CACNA1H: variants seen among roughly 807,000 people sequenced by gnomAD.
The protein encoded by CACNA1H is voltage-dependent T-type calcium channel subunit alpha-1H.
In CACNA1H, 149 loss-of-function variants were observed where a neutral mutation model predicts 192.5. The ratio of observed to expected loss-of-function variants is 0.77; its 90% CI spans 0.68 to 0.89. CACNA1H has a LOEUF of 0.89. Ranked by LOEUF, CACNA1H falls within the 40% of genes least tolerant of loss-of-function variation. The pLI is 0.00. For synonymous variants in CACNA1H, 2,202 were observed against 1,475.2 expected (o/e 1.49, Z -11.29); for missense variants, 4,257 against 3,423.5 (o/e 1.24, Z -6.08).
At position 1,211,965 on chromosome 16, in the gene CACNA1H, C is replaced by G. The variant is rs1057522839; in HGVS notation, c.4586C>G (p.Pro1529Arg). 1.9e-6 allele frequency: 3 copies of G among 1,613,522 alleles called. No homozygotes were observed. The highest frequency in any genetic ancestry group is 2.5e-6 in the Non-Finnish European group (3 of 1,179,676). ...VDQQPVQNHN[P>R]WMLLYFISFL... ...CCACAGCCTGTGCAGAACCACAACCCCTGGATGCTGCTGTACTTCATCTCC... is the reference window on the plus strand; with the variant it reads ...CCACAGCCTGTGCAGAACCACAACCGCTGGATGCTGCTGTACTTCATCTCC... Residue 1529 changes from proline to arginine, a missense_variant, in exon 25 of 35, where the codon CCC becomes CGC. Coordinates refer to ENST00000348261, the MANE Select transcript of CACNA1H (RefSeq NM_021098.3).
chr16:1,171,202 C>T (rs1327733582), intron 2 of CACNA1H, among the ~76,000 whole-genome samples: 1 of 152,152 alleles, frequency 6.6e-6, no homozygotes. Flanking sequence ...GCTGTCTGCT[C>T]ACCCCCGCGC....
rs1268325731 is a variant in CACNA1H at position 1,213,922 on chromosome 16, C to T, written c.4920C>T (p.Asn1640=). 2 of 1,610,832 alleles carry T rather than the reference C, an allele frequency of 1.2e-6. No individual in the cohort carries two copies. Among genetic ancestry groups the T allele is most frequent in the Non-Finnish European group, 1.7e-6 (2 of 1,179,086 alleles). Residue 1640 remains asparagine, a synonymous_variant, in exon 27 of 35, where the codon AAC becomes AAT. Coordinates refer to ENST00000348261, the MANE Select transcript of CACNA1H (RefSeq NM_021098.3). ...TCACCATGTCCATGGAGCACTATAA[C>T]CAACCCAAGGTGGGTGCGAGGGGGC... ...NVITMSMEHY[N]QPKSLDEALK...
At chr16:1,212,614 C>G (rs1256042275) in intron 26 of CACNA1H, 86 bp downstream of exon 26, 46 of 1,507,904 alleles carry the variant, frequency 3.1e-5, no homozygotes, top group Non-Finnish European at 3.9e-5. Context: ...TGCTGGGGTC[C>G]TCCGCAGGGT....
intron 2 of CACNA1H, among the ~76,000 whole-genome samples, chr16:1,158,358 C>T (rs563525686): frequency 9.2e-5 from 14 of 151,682 alleles, no homozygotes; most frequent in East Asian, 7.8e-4. Context: ...GAGAGGCCCC[C>T]GGGGGTGACG....
At position 1,221,330 on chromosome 16, in the gene CACNA1H, C is replaced by T. The variant is rs920477596; in HGVS notation, c.*336C>T. The T allele has an allele frequency of 2.8e-4, 102 of 367,578 alleles. 1 individual carries two copies. The highest frequency in any genetic ancestry group is 1.8e-3 in the African/African-American group (85 of 48,014). The allele number at this position is 367,578 out of a possible 1,614,324, so 22.8% of individuals were successfully genotyped here. ...CCAGAGAGGGGAAGGTACCAGGTTG[C>T]GTCCTTTCAGGCCCCGCGTTGTTAC... is the stretch of plus-strand genomic sequence containing the variant. On this transcript the variant is annotated 3_prime_UTR_variant, in exon 35 of 35. Coordinates refer to ENST00000348261, the MANE Select transcript of CACNA1H (RefSeq NM_021098.3).
At chr16:1,200,195 C>A (rs1418685548) in intron 6 of CACNA1H, 61 bp from the exon 7 acceptor site, 21 of 1,392,932 alleles carry the variant, frequency 1.5e-5, no homozygotes, top group Non-Finnish European at 2.0e-5. Flanking sequence ...AATCGTGCCC[C>A]CGACTCTGAC....
In CACNA1H at chr16:1,221,304, G is replaced by A. The variant is rs867523155; in HGVS notation, c.*310G>A. ...TCTGTGGGACGAAGACCGGGCACCC[G>A]CCAGAGAGGGGAAGGTACCAGGTTG... is the stretch of plus-strand genomic sequence containing the variant. On this transcript the variant is annotated 3_prime_UTR_variant, in exon 35 of 35. Coordinates refer to ENST00000348261, the MANE Select transcript of CACNA1H (RefSeq NM_021098.3). 24 of 404,122 alleles carry A rather than the reference G, an allele frequency of 5.9e-5. No individual in the cohort carries two copies. Among genetic ancestry groups the A allele is most frequent in the South Asian group, 1.2e-4 (2 of 16,690 alleles). 25.0% of individuals were successfully genotyped at this position (404,122 alleles called of 1,614,324 possible).
intron 2 of CACNA1H, among the ~76,000 whole-genome samples, chr16:1,158,407 A>G (rs1013448827): frequency 3.9e-5 from 6 of 152,062 alleles, no homozygotes; most frequent in African/African-American, 1.4e-4. Flanking sequence ...GGGGCAGCTC[A>G]TCCTTCCCGG....
intron 2 of CACNA1H, among the ~76,000 whole-genome samples, chr16:1,158,917 C>T (rs930656118): frequency 4.0e-5 from 6 of 151,486 alleles, no homozygotes; most frequent in African/African-American, 1.5e-4. Flanking sequence ...CCCGCAGAGC[C>T]CCCCCGCTCA....
chr16:1,213,837 C>G lies in CACNA1H; in HGVS notation c.4835C>G (p.Ser1612Trp), dbSNP rs370292995. The G allele has an allele frequency of 1.2e-5, 19 of 1,598,320 alleles. No homozygotes were observed. Among genetic ancestry groups the G allele is most frequent in the Non-Finnish European group, 1.5e-5 (18 of 1,173,590 alleles). Reference protein sequence around the residue: ...DYSPTRRSIHSLCTSHYLDLF... With the variant: ...DYSPTRRSIHWLCTSHYLDLF... ...TCGCCCACGCGCCGCTCCATTCACT[C>G]GCTGTGCACCAGCCACTATCTCGAC... Residue 1612 changes from serine (S) to tryptophan (W), a missense_variant, in exon 27 of 35, where the codon TCG becomes TGG. Ser to Trp is a radical substitution (Grantham distance 177). Transcript: ENST00000348261.
In CACNA1H at chr16:1,200,828, T is replaced by G. The variant is rs1356184413; in HGVS notation, c.1212+20T>G. ...ATCATCGTGAGTGTGGGCGGCAGTG[T>G]TCGCCATGATGGGCCCTGGTGTTAG... On this transcript the variant is annotated intron_variant, in intron 8 of 34. Transcript: ENST00000348261. The G allele has an allele frequency of 2.6e-6, 4 of 1,539,494 alleles. No individual in the cohort carries two copies. The African/African-American group carries it at 4.1e-5, about 16-fold the overall frequency.
rs374317639 is a variant in CACNA1H at position 1,205,242 on chromosome 16, C to T, written c.2580C>T (p.Phe860=). 61 of 1,609,672 alleles carry T rather than the reference C, an allele frequency of 3.8e-5. No homozygotes were observed. In the African/African-American group the frequency reaches 5.2e-4, roughly 14 times the overall value. ...LGYIRNPYNI[F]DGIIVVISVW... is the part of the protein sequence containing the mutation. ...ACATCCGGAACCCGTACAACATCTT[C>T]GACGGCATCATCGTGGTCATCAGGT... The change falls in exon 11 of 35, where the codon TTC becomes TTT. Residue 860 remains phenylalanine (F), a synonymous_variant. Coordinates refer to ENST00000348261, the MANE Select transcript of CACNA1H (RefSeq NM_021098.3).
chr16:1,162,644 G>T (rs774393536), intron 2 of CACNA1H, among the ~76,000 whole-genome samples: 4 of 151,710 alleles, frequency 2.6e-5, no homozygotes, highest in Admixed American at 1.3e-4. Flanking sequence ...TGGAGTGGGG[G>T]GGGGGGGTCC....
In CACNA1H at chr16:1,199,049, ACCGCGCAGTCG is replaced by A. The variant is rs1368250559; in HGVS notation, c.803+277_803+287del. 4.2e-4 allele frequency: 117 copies of A among 277,988 alleles called. 8 individuals are homozygous for A. Among genetic ancestry groups the A allele is most frequent in the African/African-American group, 1.5e-3 (26 of 17,804 alleles). The allele number at this position is 277,988 out of a possible 1,614,324, so 17.2% of individuals were successfully genotyped here. A position where few individuals can be genotyped will look rare whatever the true frequency, so the allele number is the denominator to read the frequency against. Reference sequence around the variant, plus strand: ...CCCACCCCCCACCATGGCTCCGCCCACCGCGCAGTCGCTGCACATATGCCCCACCCCCCACC... The same window carrying A: ...CCCACCCCCCACCATGGCTCCGCCCACTGCACATATGCCCCACCCCCCACC... On this transcript the variant is annotated intron_variant, in intron 6 of 34. Coordinates refer to ENST00000348261, the MANE Select transcript of CACNA1H (RefSeq NM_021098.3).
chr16:1,202,485 G>C, intron 9 of CACNA1H, 33 bp downstream of exon 9: 1 of 1,455,112 alleles, frequency 6.9e-7, no homozygotes, highest in East Asian at 2.5e-5. Context: ...CGGAGGAGGC[G>C]GTGGGACCTA....
In CACNA1H at chr16:1,180,903, G is replaced by A. The variant is rs1247323842; in HGVS notation, c.300-14069G>A. On this transcript the variant is annotated intron_variant, in intron 2 of 34. Coordinates refer to ENST00000348261, the MANE Select transcript of CACNA1H (RefSeq NM_021098.3). The surrounding 1 kb of genome is among the most constrained non-coding windows in gnomAD (Gnocchi z 4.4). Reference sequence around the variant, plus strand: ...AGGACAGACCTGCTGGGCCGCGTTGGCAGGGGCTCACCCCGTCTTCCCGCA... The same window carrying A: ...AGGACAGACCTGCTGGGCCGCGTTGACAGGGGCTCACCCCGTCTTCCCGCA... Among the ~76,000 whole-genome samples, 1 of 152,220 alleles carries A rather than the reference G, an allele frequency of 6.6e-6. No individual in the cohort carries two copies. Among genetic ancestry groups the A allele is most frequent in the African/African-American group, 2.4e-5 (1 of 41,460 alleles).
intron 2 of CACNA1H, among the ~76,000 whole-genome samples, chr16:1,192,652 G>A (rs1369725257): frequency 6.6e-6 from 1 of 152,176 alleles, no homozygotes; most frequent in East Asian, 1.9e-4. Flanking sequence ...GTACAGGGAG[G>A]GTGTGAAAGG....
Position 1,176,551 on chromosome 16 carries a change from C to T in CACNA1H, c.300-18421C>T, listed in dbSNP as rs189328895. 7.2e-4 allele frequency among the ~76,000 whole-genome samples: 109 copies of T among 152,352 alleles called. 3 individuals are homozygous for T. Among genetic ancestry groups the T allele is most frequent in the Admixed American group, 2.1e-3 (32 of 15,312 alleles). On this transcript the variant is annotated intron_variant, in intron 2 of 34. Coordinates refer to ENST00000348261, the MANE Select transcript of CACNA1H (RefSeq NM_021098.3). ...TCCCCCCATGCTCAGAGGTGACGGG[C>T]CTGGGCTGCTGTGGGGATTCCGAGA...
Position 1,154,046 on chromosome 16 carries a change from C to T in CACNA1H, c.299+10C>T, listed in dbSNP as rs1261053751. The T allele has an allele frequency of 5.2e-6, 6 of 1,153,320 alleles. No homozygotes were observed. Among genetic ancestry groups the T allele is most frequent in the African/African-American group, 1.9e-5 (1 of 53,548 alleles). 71.4% of individuals were successfully genotyped at this position (1,153,320 alleles called of 1,614,324 possible). On this transcript the variant is annotated intron_variant, in intron 2 of 34. Transcript: ENST00000348261. ...GGCTGGTCTGCAACCCATATCCTTC[C>T]CGGCCGGCGGGGGGCGGGGGGCGGG...
Sources: allele counts gnomAD v4.1 joint callset (sites outside exome capture counted in the v4.1 genomes callset), GRCh38; gene constraint gnomAD v4.1.1; non-coding constraint Gnocchi (gnomAD v3.1); transcripts MANE v1.5; gene names NCBI Gene and HGNC (gene_info 2026-07-23, HGNC 2026-07-21).